Variants in CTNND2 observed in about 807,000 individuals in gnomAD.
CTNND2 encodes the protein catenin delta-2.
In CTNND2, 22 loss-of-function variants were observed where a neutral mutation model predicts 144.4. The observed-to-expected ratio is 0.15, with a 90% CI of 0.11 to 0.22. The LOEUF (loss-of-function observed/expected upper bound fraction) is 0.22, where lower values mean the gene tolerates loss of function less well. CTNND2 is among the 10% of genes least tolerant of loss of function. The pLI is 1.00. For missense variants in CTNND2, 1,353 were observed against 1,618.8 expected, an observed-to-expected ratio of 0.84 and a Z score of 2.82; for synonymous variants, 751 against 695.6, an observed-to-expected ratio of 1.08 and a Z score of -1.25.
At chr5:11,898,378 T>C (rs1425113827) in intron 1 of CTNND2, among the ~76,000 whole-genome samples, 1 of 152,164 alleles carries the variant, frequency 6.6e-6, no homozygotes, top group East Asian at 1.9e-4. Context: ...CATTTGTACA[T>C]TATAAGGAGG....
chr5:11,070,850 A>AT (rs1259910783), intron 16 of CTNND2, among the ~76,000 whole-genome samples: 1 of 152,192 alleles, frequency 6.6e-6, no homozygotes, highest in Non-Finnish European at 1.5e-5. Context: ...AAGGGAAATT[A>AT]TATCAGATTT....
chr5:11,765,636 G>A (rs112863213), intron 1 of CTNND2, among the ~76,000 whole-genome samples: 13 of 152,132 alleles, frequency 8.5e-5, no homozygotes, highest in East Asian at 3.9e-4. Flanking sequence ...AAATGGCGTC[G>A]AACTCTCGGC....
At chr5:11,410,329 G>A (rs938610686) in intron 5 of CTNND2, among the ~76,000 whole-genome samples, 5 of 152,156 alleles carry the variant, frequency 3.3e-5, no homozygotes, top group Non-Finnish European at 7.4e-5. Context: ...TATCCTAACA[G>A]TAATGGTATT....
At chr5:11,258,216 A>G (rs1352539806) in intron 9 of CTNND2, among the ~76,000 whole-genome samples, 1 of 152,200 alleles carries the variant, frequency 6.6e-6, no homozygotes, top group Non-Finnish European at 1.5e-5. Flanking sequence ...CATATGCTGC[A>G]TCTTCACAAT....
intron 3 of CTNND2, among the ~76,000 whole-genome samples, chr5:11,535,546 A>C (rs1210355578): frequency 6.6e-6 from 1 of 152,184 alleles, no homozygotes; most frequent in Non-Finnish European, 1.5e-5. Flanking sequence ...TAATCTTATA[A>C]GTGGTAACTT....
At chr5:11,761,199 C>T (rs549834368) in intron 1 of CTNND2, among the ~76,000 whole-genome samples, 5 of 152,180 alleles carry the variant, frequency 3.3e-5, no homozygotes, top group East Asian at 1.9e-4. Context: ...GCAATGCACT[C>T]GGATAGACCA....
intron 2 of CTNND2, among the ~76,000 whole-genome samples, chr5:11,567,806 T>C (rs1306060792): frequency 1.3e-5 from 2 of 152,234 alleles, no homozygotes; most frequent in African/African-American, 2.4e-5. Flanking sequence ...GATTGACTTT[T>C]TTCTCCTCAA....
chr5:11,656,177 T>C (rs902934429), intron 2 of CTNND2, among the ~76,000 whole-genome samples: 1 of 151,934 alleles, frequency 6.6e-6, no homozygotes, highest in African/African-American at 2.4e-5. Context: ...GAATCTGGAT[T>C]TTTAAAATTT....
chr5:11,488,581 G>A (rs901257736), intron 3 of CTNND2, among the ~76,000 whole-genome samples: 3 of 152,030 alleles, frequency 2.0e-5, no homozygotes, highest in Non-Finnish European at 4.4e-5. Context: ...ATTACCAACC[G>A]AATTGGTAAT....
intron 20 of CTNND2, among the ~76,000 whole-genome samples, chr5:10,987,467 G>A (rs573350598): frequency 1.3e-5 from 2 of 152,296 alleles, no homozygotes; most frequent in East Asian, 3.9e-4. Flanking sequence ...GATCGTGAGG[G>A]ATGACGAGCG....
In CTNND2 at chr5:11,232,147, G is replaced by T. The variant is rs377579711; in HGVS notation, c.1761+4544C>A. 3.2e-3 allele frequency among the ~76,000 whole-genome samples: 495 copies of T among 152,364 alleles called. 1 individual carries two copies. The highest frequency in any genetic ancestry group is 8.9e-3 in the Admixed American group (137 of 15,308). ...AATGTCCAGGCAGAGGTTTGTTGCA[G>T]GGGTGGAGCCCTCATAGAGAACCTC... On this transcript the variant is annotated intron_variant, in intron 10 of 21. Coordinates refer to ENST00000304623, the MANE Select transcript of CTNND2 (RefSeq NM_001332.4).
At chr5:11,852,131 A>G (rs1795044186) in intron 1 of CTNND2, among the ~76,000 whole-genome samples, 1 of 152,102 alleles carries the variant, frequency 6.6e-6, no homozygotes, top group Non-Finnish European at 1.5e-5. Context: ...TACAGCTTCC[A>G]TCTGATATTT....
In CTNND2 at chr5:11,395,938, T is replaced by G. The variant is rs1179018308; in HGVS notation, c.612+1093A>C. Among the ~76,000 whole-genome samples, 4 of 152,334 alleles carry G rather than the reference T, an allele frequency of 2.6e-5. No individual in the cohort carries two copies. In the East Asian group the frequency reaches 7.7e-4, roughly 29 times the overall value. On this transcript the variant is annotated intron_variant, in intron 6 of 21. Transcript: ENST00000304623. ...TGGGGCCATGTGGCCTGCCAGGTGCTCCTGATACAAACATGAAAAAAGTCC... is the reference window on the plus strand; with the variant it reads ...TGGGGCCATGTGGCCTGCCAGGTGCGCCTGATACAAACATGAAAAAAGTCC...
At chr5:11,501,843 A>G (rs1440099672) in intron 3 of CTNND2, among the ~76,000 whole-genome samples, 1 of 150,060 alleles carries the variant, frequency 6.7e-6, no homozygotes, top group Non-Finnish European at 1.5e-5. Context: ...CCCGGCTAAC[A>G]TGGTGAAATC....
chr5:11,611,218 T>C (rs1237977688), intron 2 of CTNND2, among the ~76,000 whole-genome samples: 1 of 152,178 alleles, frequency 6.6e-6, no homozygotes, highest in Non-Finnish European at 1.5e-5. Context: ...CTTCCCCTTC[T>C]GCCATGACTG....
chr5:11,809,541 G>A (rs1792202653), intron 1 of CTNND2, among the ~76,000 whole-genome samples: 1 of 152,212 alleles, frequency 6.6e-6, no homozygotes, highest in South Asian at 2.1e-4. Flanking sequence ...AGTCATGGTG[G>A]AAATTCATAT....
intron 11 of CTNND2, among the ~76,000 whole-genome samples, chr5:11,197,177 G>T (rs1436083654): frequency 6.6e-6 from 1 of 152,190 alleles, no homozygotes; most frequent in Non-Finnish European, 1.5e-5. Context: ...ATTTTCTAAA[G>T]AATCCATGAT....
At chr5:11,528,602 CA>C (rs1488994759) in intron 3 of CTNND2, among the ~76,000 whole-genome samples, 1 of 152,146 alleles carries the variant, frequency 6.6e-6, no homozygotes, top group African/African-American at 2.4e-5. Flanking sequence ...GTCAGGTCCT[CA>C]GGGAACTCTT....
At chr5:11,061,774 T>A (rs767109750) in intron 16 of CTNND2, among the ~76,000 whole-genome samples, 1 of 152,114 alleles carries the variant, frequency 6.6e-6, no homozygotes, top group Non-Finnish European at 1.5e-5. Context: ...AGTGGTGCAA[T>A]CTCGGCTCAC....
Sources: gnomAD v4.1 joint callset for allele counts (sites outside exome capture counted in the v4.1 genomes callset) on GRCh38, gnomAD v4.1.1 for gene constraint, MANE v1.5 for transcripts, NCBI Gene and HGNC (gene_info 2026-07-23, HGNC 2026-07-21) for gene names.